ADD3: variants seen among roughly 807,000 people sequenced by gnomAD.
ADD3 encodes gamma-adducin.
ADD3 carries 25 observed loss-of-function variants against 80.2 expected under a neutral mutation model. The observed-to-expected ratio is 0.31, with a 90% CI of 0.23 to 0.44. The LOEUF is 0.44. ADD3 is among the 20% of genes least tolerant of loss of function. The pLI is 1.00. For missense variants in ADD3, 829 were observed against 847.5 expected (o/e 0.98, Z 0.27); for synonymous variants, 284 against 289.6 (o/e 0.98, Z 0.20).
At chr10:110,127,482 T>G (rs1476097043) in intron 12 of ADD3, among the ~76,000 whole-genome samples, 1 of 152,186 alleles carries the variant, frequency 6.6e-6, no homozygotes, top group African/African-American at 2.4e-5. Flanking sequence ...CTGTGCGTGG[T>G]GGCGTGCACC....
At position 110,119,467 on chromosome 10, in the gene ADD3, T is replaced by C; in HGVS notation, c.863T>C (p.Val288Ala). The part of the protein sequence containing the change: ...LQKVLGPSCK[V>A]LVLRNHGVVA... Reference sequence around the variant, plus strand: ...ATTGCTGTGGGCATTCTATTTTAGGTGCTGGTACTCAGGAATCATGGTGTG... The same window carrying C: ...ATTGCTGTGGGCATTCTATTTTAGGCGCTGGTACTCAGGAATCATGGTGTG... The change falls in exon 8 of 15, where the codon GTG becomes GCG. Residue 288 changes from valine to alanine, a missense_variant and splice_region_variant. Val to Ala is a moderately conservative substitution (Grantham distance 64). Coordinates refer to ENST00000356080, the MANE Select transcript of ADD3 (RefSeq NM_016824.5). 1.2e-6 allele frequency: 2 copies of C among 1,614,074 alleles called. No homozygotes were observed. The highest frequency in any genetic ancestry group is 1.7e-6 in the Non-Finnish European group (2 of 1,179,970).
intron 1 of ADD3, among the ~76,000 whole-genome samples, chr10:110,098,442 G>T (rs931257983): frequency 6.6e-6 from 1 of 152,124 alleles, no homozygotes; most frequent in Admixed American, 6.6e-5. Flanking sequence ...TATCCTCAGA[G>T]AGCTTGAAAA....
chr10:110,009,214 G>A (rs1421859894), intron 1 of ADD3, among the ~76,000 whole-genome samples: 2 of 152,214 alleles, frequency 1.3e-5, no homozygotes, highest in Non-Finnish European at 2.9e-5. Context: ...GGCTTTGAGG[G>A]AGGATTATAT....
At chr10:110,018,307 T>A in intron 1 of ADD3, among the ~76,000 whole-genome samples, 1 of 151,630 alleles carries the variant, frequency 6.6e-6, no homozygotes, top group East Asian at 1.9e-4. Flanking sequence ...GTGGGTGGAT[T>A]GCCAGAGGTC....
At chr10:110,066,132 T>C (rs1843925667) in intron 1 of ADD3, among the ~76,000 whole-genome samples, 1 of 152,186 alleles carries the variant, frequency 6.6e-6, no homozygotes, top group African/African-American at 2.4e-5. Flanking sequence ...ACCATGCTGG[T>C]GTATAAACCC....
intron 5 of ADD3, among the ~76,000 whole-genome samples, chr10:110,117,721 A>G (rs1215048425): frequency 1.3e-5 from 2 of 152,016 alleles, no homozygotes; most frequent in Non-Finnish European, 2.9e-5. Flanking sequence ...AATTGTGTAA[A>G]AAAAACACAC....
At chr10:110,057,375 A>G (rs1321221027) in intron 1 of ADD3, among the ~76,000 whole-genome samples, 2 of 152,200 alleles carry the variant, frequency 1.3e-5, no homozygotes, top group Non-Finnish European at 1.5e-5. Flanking sequence ...GTTGAGAACT[A>G]ATGCTTTCAA....
intron 5 of ADD3, among the ~76,000 whole-genome samples, chr10:110,117,873 G>C (rs1850953584): frequency 1.3e-5 from 2 of 152,010 alleles, no homozygotes; most frequent in South Asian, 4.2e-4. Context: ...AAAATTAGCT[G>C]GGCGTGGTGG....
chr10:110,010,555 T>C (rs1244367982), intron 1 of ADD3, among the ~76,000 whole-genome samples: 1 of 152,214 alleles, frequency 6.6e-6, no homozygotes, highest in East Asian at 1.9e-4. Flanking sequence ...TAAAGTGACA[T>C]ATCTTTTTGA....
intron 1 of ADD3, among the ~76,000 whole-genome samples, chr10:110,073,746 C>A (rs1042898072): frequency 6.6e-6 from 1 of 152,078 alleles, no homozygotes; most frequent in African/African-American, 2.4e-5. Context: ...TAACTAAATG[C>A]CTATTACCAT....
At chr10:110,029,588 A>G (rs1334214737) in intron 1 of ADD3, among the ~76,000 whole-genome samples, 1 of 152,224 alleles carries the variant, frequency 6.6e-6, no homozygotes, top group African/African-American at 2.4e-5. Context: ...ATGATTAGAT[A>G]AGGGCTTTCC....
intron 1 of ADD3, among the ~76,000 whole-genome samples, chr10:110,009,298 T>C (rs751771390): frequency 1.1e-4 from 16 of 152,178 alleles, no homozygotes; most frequent in Non-Finnish European, 2.4e-4. Context: ...CAAGTTTACG[T>C]TAAATTATGT....
At chr10:110,056,211 G>C (rs770021801) in intron 1 of ADD3, among the ~76,000 whole-genome samples, 9 of 152,180 alleles carry the variant, frequency 5.9e-5, no homozygotes, top group Non-Finnish European at 1.3e-4. Flanking sequence ...ATTCACAATA[G>C]GTTCTGATGA....
At chr10:110,109,100 C>T (rs570684068) in intron 2 of ADD3, among the ~76,000 whole-genome samples, 26 of 152,260 alleles carry the variant, frequency 1.7e-4, no homozygotes, top group Non-Finnish European at 3.2e-4. Context: ...TGTGTCCTTG[C>T]CTCTGGCATT....
intron 5 of ADD3, 102 bp from the exon 6 acceptor site, chr10:110,118,485 C>T: frequency 1.0e-6 from 1 of 966,898 alleles, no homozygotes; most frequent in Non-Finnish European, 1.6e-6. Flanking sequence ...TATTTGCTAT[C>T]TGACCTTTTA....
rs1273637364 is a variant in ADD3 at position 110,030,255 on chromosome 10, G to T, written c.-30+21956G>T. 1.3e-5 allele frequency among the ~76,000 whole-genome samples: 2 copies of T among 150,650 alleles called. 1 individual carries two copies. The highest frequency in any genetic ancestry group is 4.5e-4 in the South Asian group (2 of 4,474). ...GGAGAATCACTTGAACCCAGGAGGC[G>T]GAGGTTGCGGTGAGCCAAGATCGCA... On this transcript the variant is annotated intron_variant, in intron 1 of 14. Coordinates refer to ENST00000356080, the MANE Select transcript of ADD3 (RefSeq NM_016824.5).
chr10:110,075,221 A>G (rs1172765769), intron 1 of ADD3, among the ~76,000 whole-genome samples: 1 of 152,188 alleles, frequency 6.6e-6, no homozygotes, highest in African/African-American at 2.4e-5. Context: ...TCTATTCTTG[A>G]TACTAAATCT....
In ADD3 at chr10:110,065,539, C is replaced by CCTTTTTTTTTTTTTTTTT. The variant is rs1843806502; in HGVS notation, c.-29-35086_-29-35085insCTTTTTTTTTTTTTTTTT. ...TTTTTTCTTAGCCTCTCTCTCTCCC[C>CCTTTTTTTTTTTTTTTTT]TTTTTTTTTTTTTTTTTTGAGAAAG... is the stretch of plus-strand genomic sequence containing the variant. On this transcript the variant is annotated intron_variant, in intron 1 of 14. Coordinates refer to ENST00000356080, the MANE Select transcript of ADD3 (RefSeq NM_016824.5). Among the ~76,000 whole-genome samples, 10 of 31,186 alleles carry CCTTTTTTTTTTTTTTTTT rather than the reference C, an allele frequency of 3.2e-4. 1 individual carries two copies. The highest frequency in any genetic ancestry group is 1.2e-3 in the South Asian group (1 of 856). 20.5% of individuals were successfully genotyped at this position (31,186 alleles called of 152,430 possible).
intron 1 of ADD3, among the ~76,000 whole-genome samples, chr10:110,064,342 T>C (rs377003909): frequency 6.6e-6 from 1 of 152,192 alleles, no homozygotes; most frequent in Non-Finnish European, 1.5e-5. Context: ...TTTGTACTAA[T>C]TGACATACCA....
Sources: gnomAD v4.1 joint callset for allele counts (sites outside exome capture counted in the v4.1 genomes callset) on GRCh38, gnomAD v4.1.1 for gene constraint, MANE v1.5 for transcripts, NCBI Gene and HGNC (gene_info 2026-07-23, HGNC 2026-07-21) for gene names.